Variants in CNTLN observed in about 807,000 individuals in gnomAD.
CNTLN encodes the protein centlein, centrosomal protein.
A neutral mutation model predicts 180.0 loss-of-function variants in CNTLN; 212 were observed. The ratio of observed to expected loss-of-function variants is 1.18; its 90% CI spans 1.05 to 1.32. The LOEUF (loss-of-function observed/expected upper bound fraction) is 1.32, where lower values mean the gene tolerates loss of function less well. Ranked by LOEUF, CNTLN falls within the 40% of genes most tolerant of loss-of-function variation. The pLI is 0.00. For synonymous variants in CNTLN, 722 were observed against 563.1 expected, an observed-to-expected ratio of 1.28 and a Z score of -3.99; for missense variants, 2,095 against 1,610.9, an observed-to-expected ratio of 1.30 and a Z score of -5.14.
At chr9:17,466,236 A>G (rs1831739877) in intron 22 of CNTLN, 118 bp downstream of exon 22, 1 of 774,472 alleles carries the variant, frequency 1.3e-6, no homozygotes, top group Non-Finnish European at 2.1e-6. Flanking sequence ...ACTTCAGATA[A>G]GTGCAAAGAG....
At chr9:17,269,186 G>T (rs10962987) in intron 5 of CNTLN, among the ~76,000 whole-genome samples, 29,900 of 151,884 alleles carry the variant, frequency 0.2, 3,603 homozygotes, top group African/African-American at 0.33. Flanking sequence ...GGCTCCATCT[G>T]TATCAATTTT....
chr9:17,309,571 A>C (rs2090346663), intron 8 of CNTLN, among the ~76,000 whole-genome samples: 1 of 105,780 alleles, frequency 9.5e-6, no homozygotes, highest in African/African-American at 3.1e-5. Context: ...TGAATGAGCT[A>C]ATGGAATAGA....
chr9:17,404,069 C>A (rs1827189447), intron 15 of CNTLN, among the ~76,000 whole-genome samples: 2 of 151,852 alleles, frequency 1.3e-5, no homozygotes, highest in Non-Finnish European at 1.5e-5. Context: ...AGCCACCAAG[C>A]CCAGCTAAAA....
intron 6 of CNTLN, among the ~76,000 whole-genome samples, chr9:17,297,965 T>G (rs1321208632): frequency 6.6e-6 from 1 of 152,170 alleles, no homozygotes; most frequent in Non-Finnish European, 1.5e-5. Flanking sequence ...CAAAAGAAAA[T>G]TAATATGTAT....
At chr9:17,276,810 G>C (rs1828341477) in intron 6 of CNTLN, among the ~76,000 whole-genome samples, 1 of 151,960 alleles carries the variant, frequency 6.6e-6, no homozygotes, top group Admixed American at 6.6e-5. Context: ...CAATGTAAAT[G>C]CTATATAAAT....
intron 15 of CNTLN, among the ~76,000 whole-genome samples, chr9:17,396,089 C>T (rs1238171453): frequency 6.6e-6 from 1 of 152,196 alleles, no homozygotes; most frequent in Non-Finnish European, 1.5e-5. Flanking sequence ...TTTACAAATA[C>T]CATGGCAACA....
At chr9:17,422,580 TG>T (rs1828798282) in intron 18 of CNTLN, among the ~76,000 whole-genome samples, 1 of 152,192 alleles carries the variant, frequency 6.6e-6, no homozygotes, top group East Asian at 1.9e-4. Flanking sequence ...TCAATATTTT[TG>T]TTAAATATCT....
chr9:17,447,321 G>C (rs750796541), intron 18 of CNTLN: 50 of 200,178 alleles, frequency 2.5e-4, no homozygotes, highest in Non-Finnish European at 4.7e-4. Context: ...ATACACTTTG[G>C]GGCCCTCCCC....
chr9:17,327,378 G>T (rs1334615390), intron 8 of CNTLN, among the ~76,000 whole-genome samples: 1 of 151,542 alleles, frequency 6.6e-6, no homozygotes, highest in African/African-American at 2.4e-5. Context: ...GTGAGACGGG[G>T]TTTCACCGTG....
intron 2 of CNTLN, among the ~76,000 whole-genome samples, chr9:17,202,731 A>T (rs1450663137): frequency 7.8e-6 from 1 of 127,936 alleles, no homozygotes; most frequent in East Asian, 2.3e-4. Context: ...CAATGTGTGT[A>T]TTTGACCATG....
At chr9:17,501,702 G>T (rs1833762402) in intron 25 of CNTLN, among the ~76,000 whole-genome samples, 1 of 152,082 alleles carries the variant, frequency 6.6e-6, no homozygotes, top group Non-Finnish European at 1.5e-5. Flanking sequence ...GTCTATCCCT[G>T]GTTGATCTAA....
Position 17,394,829 on chromosome 9 carries a change from T to A in CNTLN, c.2375T>A (p.Ile792Asn). ...NALRNENEEL[I>N]NPMEKSHQSA... ...TTGAGAAATGAAAATGAAGAGCTGA[T>A]CAACCCAATGGAGAAATCACACCAG... Residue 792 changes from isoleucine (I) to asparagine (N), a missense_variant, in exon 15 of 26, where the codon ATC (isoleucine) becomes AAC (asparagine). Physicochemically the swap from Ile to Asn is moderately radical, Grantham distance 149. Coordinates refer to ENST00000380647, the MANE Select transcript of CNTLN (RefSeq NM_017738.4). 6.2e-7 allele frequency: 1 copy of A among 1,613,900 alleles called. No homozygotes were observed. Among genetic ancestry groups the A allele is most frequent in the Non-Finnish European group, 8.5e-7 (1 of 1,179,954 alleles).
At chr9:17,239,976 A>G (rs1341523603) in intron 5 of CNTLN, among the ~76,000 whole-genome samples, 1 of 152,108 alleles carries the variant, frequency 6.6e-6, no homozygotes, top group African/African-American at 2.4e-5. Context: ...TTTTACAATT[A>G]TCTTTTTTCT....
At chr9:17,147,836 T>TGATGA (rs1818561669) in intron 2 of CNTLN, among the ~76,000 whole-genome samples, 1 of 152,204 alleles carries the variant, frequency 6.6e-6, no homozygotes, top group African/African-American at 2.4e-5. Context: ...AATAATGCCG[T>TGATGA]GATGAATGGC....
intron 19 of CNTLN, among the ~76,000 whole-genome samples, chr9:17,458,583 A>G (rs1184764307): frequency 2.0e-5 from 3 of 151,944 alleles, no homozygotes; most frequent in African/African-American, 7.2e-5. Flanking sequence ...TAGACTCATC[A>G]TTGTTTTCGG....
In CNTLN at chr9:17,207,828, A is replaced by C. The variant is rs185943116; in HGVS notation, c.450-18375A>C. Among the ~76,000 whole-genome samples the C allele has an allele frequency of 3.1e-4, 47 of 152,172 alleles. 1 individual carries two copies. Among genetic ancestry groups the C allele is most frequent in the African/African-American group, 1.1e-3 (46 of 41,544 alleles). ...CTTGTATGCTGACTTTTTATCATGC[A>C]ACTTTACTGAATTTATCAGTCCTAA... On this transcript the variant is annotated intron_variant, in intron 2 of 25. Transcript: ENST00000380647.
At chr9:17,380,168 A>G (rs900406828) in intron 13 of CNTLN, among the ~76,000 whole-genome samples, 1 of 152,210 alleles carries the variant, frequency 6.6e-6, no homozygotes, top group Non-Finnish European at 1.5e-5. Flanking sequence ...CAACATAGAA[A>G]TGAGGGTTGT....
chr9:17,180,757 CT>C (rs1467262396), intron 2 of CNTLN, among the ~76,000 whole-genome samples: 3 of 152,058 alleles, frequency 2.0e-5, no homozygotes, highest in Non-Finnish European at 4.4e-5. Context: ...TTCCCCCCTC[CT>C]ATTTTTTAAG....
At chr9:17,175,477 G>A (rs1820664041) in intron 2 of CNTLN, among the ~76,000 whole-genome samples, 1 of 151,956 alleles carries the variant, frequency 6.6e-6, no homozygotes, top group African/African-American at 2.4e-5. Flanking sequence ...GTATTTCTTG[G>A]TTCTTCATTC....
Sources: gnomAD v4.1 joint callset for allele counts (sites outside exome capture counted in the v4.1 genomes callset) on GRCh38, gnomAD v4.1.1 for gene constraint, MANE v1.5 for transcripts, NCBI Gene and HGNC (gene_info 2026-07-23, HGNC 2026-07-21) for gene names.